Variants in CSMD1 observed in about 807,000 individuals in gnomAD.
CSMD1 encodes CUB and Sushi multiple domains 1, also known as CUB and sushi domain-containing protein 1.
A neutral mutation model predicts 417.5 loss-of-function variants in CSMD1; 213 were observed. That is an observed-to-expected ratio of 0.51 (90% CI 0.46 to 0.57). CSMD1 has a LOEUF of 0.57. Among genes scored for constraint, CSMD1 ranks in the 20% least tolerant of loss-of-function variants. The probability of loss-of-function intolerance (pLI) is 0.00; values close to 1 mark genes in which losing one functional copy is unlikely to be tolerated. For synonymous variants in CSMD1, 2,862 were observed against 1,736.8 expected (o/e 1.65, Z -16.11); for missense variants, 6,923 against 4,529.7 (o/e 1.53, Z -15.17).
At chr8:4,271,970 C>A (rs1045991449) in intron 3 of CSMD1, among the ~76,000 whole-genome samples, 1 of 152,122 alleles carries the variant, frequency 6.6e-6, no homozygotes, top group Non-Finnish European at 1.5e-5. Context: ...AAAGTCAGCC[C>A]TCCCTATATA....
chr8:3,303,096 A>G (rs985784883), intron 25 of CSMD1, among the ~76,000 whole-genome samples: 2 of 152,204 alleles, frequency 1.3e-5, no homozygotes, highest in South Asian at 4.1e-4. Context: ...ATTGTCTATG[A>G]AAACTAAGGG....
At chr8:4,146,938 A>G (rs923606414) in intron 3 of CSMD1, among the ~76,000 whole-genome samples, 5 of 143,970 alleles carry the variant, frequency 3.5e-5, no homozygotes, top group African/African-American at 1.5e-4. Flanking sequence ...AAGGAAGTCA[A>G]CTCACCTCAC....
At chr8:3,366,979 G>C (rs143249684) in intron 20 of CSMD1, 53 bp downstream of exon 20, 9 of 1,354,904 alleles carry the variant, frequency 6.6e-6, no homozygotes, top group Non-Finnish European at 9.4e-6. Flanking sequence ...CTCACTAACA[G>C]AAATGGCAGT....
At chr8:4,367,760 T>C (rs976938425) in intron 3 of CSMD1, among the ~76,000 whole-genome samples, 3 of 152,216 alleles carry the variant, frequency 2.0e-5, no homozygotes, top group Admixed American at 1.3e-4. Flanking sequence ...TAATTCTTGC[T>C]GTGGAAATAT....
intron 5 of CSMD1, among the ~76,000 whole-genome samples, chr8:3,955,584 G>A (rs908606446): frequency 7.2e-5 from 11 of 152,002 alleles, no homozygotes; most frequent in Non-Finnish European, 1.0e-4. Flanking sequence ...GGAGATTGGT[G>A]CTACCTGCCC....
chr8:4,259,644 A>C (rs1367457690), intron 3 of CSMD1, among the ~76,000 whole-genome samples: 1 of 152,114 alleles, frequency 6.6e-6, no homozygotes, highest in East Asian at 1.9e-4. Context: ...TACCCAAAAC[A>C]ATGCCATTCT....
chr8:3,231,960 C>G (rs751369877), intron 26 of CSMD1, among the ~76,000 whole-genome samples: 1 of 152,164 alleles, frequency 6.6e-6, no homozygotes, highest in Non-Finnish European at 1.5e-5. Flanking sequence ...AAGAAGCTGT[C>G]TTCACCACTC....
At chr8:4,404,872 G>A (rs1029484421) in intron 3 of CSMD1, among the ~76,000 whole-genome samples, 1 of 152,082 alleles carries the variant, frequency 6.6e-6, no homozygotes, top group Non-Finnish European at 1.5e-5. Flanking sequence ...ACACTTCCAT[G>A]CACTTCACAT....
rs192648656 is a variant in CSMD1, at chr8:4,316,902, C to T, written c.415+103051G>A. On this transcript the variant is annotated intron_variant, in intron 3 of 69. Transcript: ENST00000635120. The stretch of plus-strand genomic sequence containing the variant: ...CCAAATCTTGGGGTGGGGGAATCTT[C>T]AAAGGAATAGAAAAGCCAGGTACTG... Among the ~76,000 whole-genome samples the T allele has an allele frequency of 5.9e-5, 9 of 151,324 alleles. No individual in the cohort carries two copies. In the East Asian group the frequency reaches 1.2e-3, roughly 20 times the overall value.
At chr8:3,109,580 C>A (rs1234506849) in intron 43 of CSMD1, among the ~76,000 whole-genome samples, 2 of 152,124 alleles carry the variant, frequency 1.3e-5, no homozygotes, top group African/African-American at 4.8e-5. Flanking sequence ...CATATCTGGC[C>A]TTGGAGCTCT....
intron 5 of CSMD1, among the ~76,000 whole-genome samples, chr8:3,922,115 T>C (rs1472731347): frequency 6.8e-6 from 1 of 147,696 alleles, no homozygotes; most frequent in Non-Finnish European, 1.5e-5. Context: ...GACCCCTTTA[T>C]CATTATATTA....
chr8:4,165,427 G>C (rs538744708), intron 3 of CSMD1, among the ~76,000 whole-genome samples: 2 of 152,216 alleles, frequency 1.3e-5, no homozygotes, highest in African/African-American at 2.4e-5. Flanking sequence ...TTTTGTTTGA[G>C]GTGGTGTCAT....
chr8:4,253,243 C>T (rs1265175225), intron 3 of CSMD1, among the ~76,000 whole-genome samples: 3 of 152,148 alleles, frequency 2.0e-5, no homozygotes, highest in Admixed American at 1.3e-4. Context: ...GATAAAATGA[C>T]ATCTCCAAAA....
At chr8:3,048,374 C>T (rs1390655448) in intron 50 of CSMD1, among the ~76,000 whole-genome samples, 1 of 151,956 alleles carries the variant, frequency 6.6e-6, no homozygotes, top group East Asian at 1.9e-4. Context: ...ATGTTACTGG[C>T]AAAAAAGTAG....
chr8:4,052,566 G>GA (rs1323063350), intron 3 of CSMD1, among the ~76,000 whole-genome samples: 3 of 152,006 alleles, frequency 2.0e-5, no homozygotes, highest in Non-Finnish European at 2.9e-5. Context: ...AGCAAGCTGA[G>GA]AAAATCACGA....
chr8:4,600,890 G>C lies in CSMD1; in HGVS notation c.302+36452C>G, dbSNP rs528008992. On this transcript the variant is annotated intron_variant, in intron 2 of 69. Coordinates refer to ENST00000635120, the MANE Select transcript of CSMD1 (RefSeq NM_033225.6). ...TATCGCCACATTTATACAGACTGTT[G>C]AGGAAGCTAAGAAAAATATTAAAGT... is the stretch of plus-strand genomic sequence containing the variant. Among the ~76,000 whole-genome samples the C allele has an allele frequency of 1.4e-4, 22 of 151,890 alleles. 1 individual carries two copies. The South Asian group carries it at 4.2e-3, about 29-fold the overall frequency.
At chr8:4,798,224 C>T (rs952600069) in intron 1 of CSMD1, among the ~76,000 whole-genome samples, 1 of 152,084 alleles carries the variant, frequency 6.6e-6, no homozygotes, top group African/African-American at 2.4e-5. Context: ...CAAGTGTTCT[C>T]ATTGTTCAGT....
At position 3,537,370 on chromosome 8, in the gene CSMD1, CT is replaced by C. The variant is rs1242805111; in HGVS notation, c.1344+37574del. Among the ~76,000 whole-genome samples the C allele has an allele frequency of 3.9e-5, 6 of 152,270 alleles. No individual in the cohort carries two copies. In the East Asian group the frequency reaches 1.2e-3, roughly 29 times the overall value. On this transcript the variant is annotated intron_variant, in intron 10 of 69. Transcript: ENST00000635120. ...TGAGTTTTTATTGTTGTTTAGTGTA[CT>C]TTTTTTATACATCATAAGTTATCAT... is the stretch of plus-strand genomic sequence containing the variant.
chr8:4,776,388 G>C (rs1041965850), intron 1 of CSMD1, among the ~76,000 whole-genome samples: 5 of 152,036 alleles, frequency 3.3e-5, no homozygotes, highest in Non-Finnish European at 7.4e-5. Context: ...TCTACTATAC[G>C]TTAACTCAGG....
Sources: allele counts gnomAD v4.1 joint callset (sites outside exome capture counted in the v4.1 genomes callset), GRCh38; gene constraint gnomAD v4.1.1; transcripts MANE v1.5; gene names NCBI Gene and HGNC (gene_info 2026-07-23, HGNC 2026-07-21).